Variants in NLGN1 observed in about 807,000 individuals in gnomAD.
The protein encoded by NLGN1 is neuroligin 1, also known as neuroligin-1.
A neutral mutation model predicts 65.5 loss-of-function variants in NLGN1; 12 were observed. The ratio of observed to expected loss-of-function variants is 0.18; its 90% CI spans 0.12 to 0.30. The LOEUF (loss-of-function observed/expected upper bound fraction) is 0.30. NLGN1 is among the 10% of genes least tolerant of loss of function. NLGN1 has a pLI of 1.00. For synonymous variants in NLGN1, 350 were observed against 359.5 expected (o/e 0.97, Z 0.30); for missense variants, 750 against 1,007.1 (o/e 0.74, Z 3.46).
chr3:173,680,496 A>G (rs1342984821), intron 3 of NLGN1, among the ~76,000 whole-genome samples: 1 of 152,198 alleles, frequency 6.6e-6, no homozygotes, highest in Non-Finnish European at 1.5e-5. Context: ...GTAGCCAGTC[A>G]TCAGTTTTTA....
At chr3:174,253,003 T>A in intron 4 of NLGN1, among the ~76,000 whole-genome samples, 1 of 152,204 alleles carries the variant, frequency 6.6e-6, no homozygotes. Context: ...TTTATGTTCA[T>A]GATATTAATG....
chr3:174,018,747 C>T (rs988563806), intron 4 of NLGN1, among the ~76,000 whole-genome samples: 1 of 152,082 alleles, frequency 6.6e-6, no homozygotes, highest in African/African-American at 2.4e-5. Flanking sequence ...TTTCCTTTTC[C>T]TCTGCAACCT....
chr3:174,153,646 A>G (rs776830842), intron 4 of NLGN1, among the ~76,000 whole-genome samples: 1 of 152,144 alleles, frequency 6.6e-6, no homozygotes, highest in East Asian at 1.9e-4. Flanking sequence ...TAAAATCACA[A>G]TATGTTATAG....
intron 3 of NLGN1, chr3:173,685,659 GA>G: frequency 1.0e-6 from 1 of 985,338 alleles, no homozygotes; most frequent in Non-Finnish European, 1.2e-6. Context: ...TGTTAGGGCG[GA>G]AAGATAGCTA....
At chr3:173,518,738 G>A (rs557640789) in intron 2 of NLGN1, among the ~76,000 whole-genome samples, 1 of 152,226 alleles carries the variant, frequency 6.6e-6, no homozygotes, top group African/African-American at 2.4e-5. Flanking sequence ...TATATTTAAA[G>A]AGGAAGCAGA....
At chr3:173,858,398 T>C (rs746567768) in intron 4 of NLGN1, among the ~76,000 whole-genome samples, 2 of 152,068 alleles carry the variant, frequency 1.3e-5, no homozygotes, top group African/African-American at 2.4e-5. Context: ...TTTCAGACAG[T>C]TTTTTTCAAG....
chr3:173,979,507 G>T (rs977872223), intron 4 of NLGN1, among the ~76,000 whole-genome samples: 1 of 152,032 alleles, frequency 6.6e-6, no homozygotes, highest in East Asian at 1.9e-4. Flanking sequence ...GAAGAGAAAA[G>T]GTGTGAGGAT....
chr3:174,158,458 A>G (rs73046277), intron 4 of NLGN1, among the ~76,000 whole-genome samples: 8,984 of 151,778 alleles, frequency 0.059, 604 homozygotes, highest in African/African-American at 0.17. Flanking sequence ...GAGACAATAT[A>G]AAATAGAATA....
chr3:173,495,294 C>T (rs1729818038), intron 2 of NLGN1, among the ~76,000 whole-genome samples: 1 of 151,520 alleles, frequency 6.6e-6, no homozygotes, highest in Non-Finnish European at 1.5e-5. Flanking sequence ...GTGGGTTTCT[C>T]CTGGTATATA....
chr3:174,169,996 T>C, intron 4 of NLGN1, among the ~76,000 whole-genome samples: 1 of 152,130 alleles, frequency 6.6e-6, no homozygotes, highest in East Asian at 1.9e-4. Context: ...AGGGAGCTTC[T>C]CTGTCTCTCT....
chr3:173,699,775 A>AT lies in NLGN1; in HGVS notation c.493+94690dup, dbSNP rs1393124020. On this transcript the variant is annotated intron_variant, in intron 3 of 6. Coordinates refer to ENST00000457714, the Ensembl canonical transcript of NLGN1. ...AAAGGTATAGGAGAAGCAGCAGGTA[A>AT]TTTTTTGAGGACTGGTGAATAGACA... 2.6e-5 allele frequency among the ~76,000 whole-genome samples: 4 copies of AT among 152,302 alleles called. No homozygotes were observed. The East Asian group carries it at 7.7e-4, about 29-fold the overall frequency.
chr3:173,970,370 G>A (rs532326385), intron 4 of NLGN1, among the ~76,000 whole-genome samples: 3 of 152,110 alleles, frequency 2.0e-5, no homozygotes, highest in Non-Finnish European at 4.4e-5. Context: ...AGGCCATTTA[G>A]TTGTTAATCA....
intron 4 of NLGN1, among the ~76,000 whole-genome samples, chr3:173,839,501 CA>C (rs1389048396): frequency 7.9e-5 from 12 of 151,758 alleles, no homozygotes; most frequent in Non-Finnish European, 1.6e-4. Flanking sequence ...CAGCTCACTG[CA>C]ACCTCTGCCT....
chr3:173,780,668 A>C, intron 3 of NLGN1, among the ~76,000 whole-genome samples: 1 of 152,204 alleles, frequency 6.6e-6, no homozygotes, highest in East Asian at 1.9e-4. Context: ...TTATTCTAAA[A>C]GTCAGTAGAG....
At chr3:173,543,403 T>G (rs1739217588) in intron 2 of NLGN1, among the ~76,000 whole-genome samples, 1 of 152,164 alleles carries the variant, frequency 6.6e-6, no homozygotes, top group Admixed American at 6.6e-5. Context: ...AATCTTTCAT[T>G]CCCAGCATTA....
intron 2 of NLGN1, among the ~76,000 whole-genome samples, chr3:173,448,244 C>G (rs1443081717): frequency 6.6e-6 from 1 of 152,116 alleles, no homozygotes; most frequent in African/African-American, 2.4e-5. Context: ...CCATCAATAC[C>G]TAATTTATTG....
intron 4 of NLGN1, among the ~76,000 whole-genome samples, chr3:174,219,904 G>A (rs1470194912): frequency 6.6e-6 from 1 of 152,096 alleles, no homozygotes; most frequent in Non-Finnish European, 1.5e-5. Context: ...AGTTTTTCCA[G>A]ATATCAGCAT....
intron 4 of NLGN1, among the ~76,000 whole-genome samples, chr3:173,955,564 G>C (rs1711793131): frequency 6.6e-6 from 1 of 152,148 alleles, no homozygotes; most frequent in Non-Finnish European, 1.5e-5. Flanking sequence ...TGTATAGCCA[G>C]CTTCCTTGCC....
chr3:173,816,333 T>C (rs1183558171), intron 4 of NLGN1, among the ~76,000 whole-genome samples: 1 of 152,180 alleles, frequency 6.6e-6, no homozygotes, highest in Admixed American at 6.5e-5. Context: ...CCAGATTTCA[T>C]AAATGCAGAA....
Sources: allele counts gnomAD v4.1 joint callset (sites outside exome capture counted in the v4.1 genomes callset), GRCh38; gene constraint gnomAD v4.1.1; transcripts MANE v1.5; gene names NCBI Gene and HGNC (gene_info 2026-07-23, HGNC 2026-07-21).